ZFYVE26: variants seen among roughly 807,000 people sequenced by gnomAD.
The protein encoded by ZFYVE26 is zinc finger FYVE domain-containing protein 26.
In ZFYVE26, 181 loss-of-function variants were observed where a neutral mutation model predicts 276.5. The ratio of observed to expected loss-of-function variants is 0.65; its 90% CI spans 0.58 to 0.74. The LOEUF is 0.74. ZFYVE26 is among the 30% of genes least tolerant of loss of function. ZFYVE26 has a pLI of 0.00. For synonymous variants in ZFYVE26, 1,129 were observed against 1,203.1 expected (o/e 0.94, Z 1.27); for missense variants, 2,821 against 3,097.9 (o/e 0.91, Z 2.12).
At chr14:67,745,351 T>C (rs1420417625), downstream of ZFYVE26, among the ~76,000 whole-genome samples, 1 of 152,220 alleles carries the variant, frequency 6.6e-6, no homozygotes, top group Non-Finnish European at 1.5e-5. Context: ...TCCCATTCTG[T>C]AGGTTGCCTG....
chr14:67,766,028 G>A (rs961028396), intron 32 of ZFYVE26, among the ~76,000 whole-genome samples, 199 bp downstream of exon 32: 1 of 152,142 alleles, frequency 6.6e-6, no homozygotes, highest in African/African-American at 2.4e-5. Context: ...AAAAAGAAAA[G>A]GACACAGGGT....
intron 29 of ZFYVE26, 35 bp from the exon 30 acceptor site, chr14:67,768,583 G>C: frequency 1.2e-6 from 2 of 1,609,238 alleles, no homozygotes; most frequent in Non-Finnish European, 1.7e-6. Context: ...TTAAATAAAT[G>C]CCTGAGTCAC....
chr14:67,739,455 G>A (rs907673861), intron 13 of ZFYVE26, among the ~76,000 whole-genome samples: 7 of 151,900 alleles, frequency 4.6e-5, no homozygotes, highest in Non-Finnish European at 7.4e-5. Flanking sequence ...TGATGCTATC[G>A]TATTATGTTG....
rs766798641 is a variant in ZFYVE26, at chr14:67,794,154, G to A, written c.2401+17C>T. The A allele has an allele frequency of 2.5e-6, 4 of 1,613,804 alleles. No homozygotes were observed. The highest frequency in any genetic ancestry group is 1.7e-5 in the Admixed American group (1 of 60,018). On this transcript the variant is annotated intron_variant, in intron 13 of 41. Coordinates refer to ENST00000347230, the MANE Select transcript of ZFYVE26 (RefSeq NM_015346.4). ...GCAAAGCTGCTCAAAGTTGGCAACT[G>A]GTGGAAATCTGCATACCTGACGTAC...
At chr14:67,814,577 C>T (rs750588435) in intron 2 of ZFYVE26, among the ~76,000 whole-genome samples, 2 of 152,046 alleles carry the variant, frequency 1.3e-5, no homozygotes, top group Admixed American at 1.3e-4. Flanking sequence ...ACAGAGCTAG[C>T]AGCTTTCATA....
At chr14:67,757,865 C>T (rs2038828951) in intron 35 of ZFYVE26, among the ~76,000 whole-genome samples, 1 of 152,210 alleles carries the variant, frequency 6.6e-6, no homozygotes, top group South Asian at 2.1e-4. Flanking sequence ...CAGGCTCGTG[C>T]CACCATGCCC....
chr14:67,761,050 A>G, intron 35 of ZFYVE26: 2 of 599,440 alleles, frequency 3.3e-6, no homozygotes, highest in Non-Finnish European at 6.0e-6. Context: ...CCAAGGCCAC[A>G]CAAGACTCAC....
chr14:67,773,938 G>C (rs922494643), intron 27 of ZFYVE26, among the ~76,000 whole-genome samples: 10 of 152,116 alleles, frequency 6.6e-5, no homozygotes, highest in Non-Finnish European at 1.3e-4. Context: ...GGAGACCAGG[G>C]GACTGGTGAA....
intron 31 of ZFYVE26, among the ~76,000 whole-genome samples, chr14:67,766,856 T>C (rs1040960602): frequency 6.6e-6 from 1 of 152,078 alleles, no homozygotes; most frequent in African/African-American, 2.4e-5. Context: ...TGTGCCACCA[T>C]GCCCGGCTAA....
intron 13 of ZFYVE26, chr14:67,735,381 T>C: frequency 1.4e-6 from 1 of 695,650 alleles, no homozygotes; most frequent in South Asian, 1.5e-5. Flanking sequence ...AGTCTTGGCC[T>C]CTTGTCATGT....
At chr14:67,797,426 T>C in intron 12 of ZFYVE26, 1 of 552,474 alleles carries the variant, frequency 1.8e-6, no homozygotes, top group Non-Finnish European at 3.2e-6. Context: ...AAAAGCAAGC[T>C]GCAGTTCTCA....
Position 67,790,741 on chromosome 14 carries a change from G to T in ZFYVE26, c.2586C>A (p.Pro862=). 1 of 1,614,148 alleles carries T rather than the reference G, an allele frequency of 6.2e-7. No individual in the cohort carries two copies. Among genetic ancestry groups the T allele is most frequent in the African/African-American group, 1.3e-5 (1 of 75,036 alleles). ...VLFTFNLKSS[P]SSGELMFMER... ...CCATGAACATCAGTTCCCCTGAACT[G>T]GGTGAGGACTTCAGGTTGAACGTGA... The change falls in exon 15 of 42, where the codon CCC becomes CCA. Residue 862 remains proline, a synonymous_variant. Transcript: ENST00000347230.
At position 67,775,648 on chromosome 14, in the gene ZFYVE26, A is replaced by C. The variant is rs76722025; in HGVS notation, c.5221+212T>G. On this transcript the variant is annotated intron_variant, in intron 26 of 41. Coordinates refer to ENST00000347230, the MANE Select transcript of ZFYVE26 (RefSeq NM_015346.4). The stretch of plus-strand genomic sequence containing the variant: ...AACCTTTATGTTATTATGTGCATGC[A>C]GTGGTTATCTACCACCTTTTAATTC... Among the ~76,000 whole-genome samples, 908 of 152,328 alleles carry C rather than the reference A, an allele frequency of 6.0e-3. 11 individuals are homozygous for C. The highest frequency in any genetic ancestry group is 0.021 in the African/African-American group (863 of 41,584).
chr14:67,768,656 C>A, intron 29 of ZFYVE26, 108 bp from the exon 30 acceptor site: 1 of 1,057,892 alleles, frequency 9.5e-7, no homozygotes, highest in South Asian at 1.3e-5. Flanking sequence ...CAATGGAGGG[C>A]TCTTTGAGGG....
intron 15 of ZFYVE26, among the ~76,000 whole-genome samples, 154 bp from the exon 16 acceptor site, chr14:67,789,752 T>C (rs958741780): frequency 7.9e-5 from 12 of 152,176 alleles, no homozygotes; most frequent in Non-Finnish European, 1.3e-4. Flanking sequence ...CCCACTCTTA[T>C]AGCTTCAAAA....
chr14:67,761,434 G>C lies in ZFYVE26; in HGVS notation c.6520C>G (p.Leu2174Val). 6 of 1,614,146 alleles carry C rather than the reference G, an allele frequency of 3.7e-6. No individual in the cohort carries two copies. Among genetic ancestry groups the C allele is most frequent in the Non-Finnish European group, 5.1e-6 (6 of 1,180,024 alleles). ...LFYLHNYSTNLAIISFYVRHS... is the reference protein window; with the variant it reads ...LFYLHNYSTNVAIISFYVRHS... ...CTCACGTAGAAGCTGATGATGGCCA[G>C]GTTGGTGCTATAGTTGTGCAGGTAG... Residue 2174 changes from leucine (L) to valine (V), a missense_variant, in exon 35 of 42, where the codon CTG (leucine) becomes GTG (valine). Physicochemically the swap from Leu to Val is conservative, Grantham distance 32. Coordinates refer to ENST00000347230, the MANE Select transcript of ZFYVE26 (RefSeq NM_015346.4).
intron 20 of ZFYVE26, 69 bp downstream of exon 20, chr14:67,784,265 T>C (rs2039589952): frequency 2.2e-6 from 3 of 1,336,118 alleles, no homozygotes; most frequent in Non-Finnish European, 3.2e-6. Context: ...ACCACCGCAC[T>C]GAGCCCTTGG....
intron 16 of ZFYVE26, among the ~76,000 whole-genome samples, chr14:67,789,129 C>G (rs1365209568): frequency 6.6e-6 from 1 of 152,170 alleles, no homozygotes; most frequent in African/African-American, 2.4e-5. Flanking sequence ...ACCTATAATT[C>G]AATAAAGAAT....
At chr14:67,730,040 A>C (rs1463652423) in intron 13 of ZFYVE26, among the ~76,000 whole-genome samples, 1 of 152,174 alleles carries the variant, frequency 6.6e-6, no homozygotes, top group Non-Finnish European at 1.5e-5. Flanking sequence ...GTCTGATGAG[A>C]GGGGAATGGA....
Sources: allele counts gnomAD v4.1 joint callset (sites outside exome capture counted in the v4.1 genomes callset), GRCh38; gene constraint gnomAD v4.1.1; transcripts MANE v1.5; gene names NCBI Gene and HGNC (gene_info 2026-07-23, HGNC 2026-07-21).